The following KCNMB2 variants were observed in gnomAD, a reference collection of about 807,000 sequenced individuals.
KCNMB2 encodes the protein calcium-activated potassium channel subunit beta-2.
A neutral mutation model predicts 24.5 loss-of-function variants in KCNMB2; 9 were observed. The ratio of observed to expected loss-of-function variants is 0.37; its 90% confidence interval spans 0.22 to 0.64. KCNMB2 has a LOEUF of 0.64. Ranked by LOEUF, KCNMB2 falls within the 30% of genes least tolerant of loss-of-function variation. The pLI, the probability that KCNMB2 is intolerant of heterozygous loss-of-function variation, is 0.63. For missense variants in KCNMB2, 226 were observed against 284.3 expected (o/e 0.79, Z 1.47); for synonymous variants, 109 against 104.4 (o/e 1.04, Z -0.27).
rs773014208 is a variant in KCNMB2 at position 178,825,713 on chromosome 3, T to C, written c.182T>C (p.Met61Thr). ...GLAMMVCSIM[M>T]YFLLGITLLR... ...GCTATGATGGTGTGCTCCATCATGA[T>C]GTATTTTCTGCTGGGAATCACACTC... The change falls in exon 3 of 5, where the codon ATG becomes ACG. Residue 61 changes from methionine (M) to threonine (T), a missense_variant. By Grantham distance (81) the Met-to-Thr change is moderately conservative (BLOSUM62 -1). Coordinates refer to ENST00000452583, the MANE Select transcript of KCNMB2 (RefSeq NM_181361.3). 1.2e-6 allele frequency: 2 copies of C among 1,613,880 alleles called. No homozygotes were observed. The highest frequency in any genetic ancestry group is 1.7e-6 in the Non-Finnish European group (2 of 1,179,896).
chr3:178,787,331 A>G (rs1244135752), intron 1 of KCNMB2, among the ~76,000 whole-genome samples: 1 of 152,186 alleles, frequency 6.6e-6, no homozygotes, highest in Non-Finnish European at 1.5e-5. Flanking sequence ...ATTAACATAT[A>G]TATGTATTAA....
chr3:178,721,972 T>G (rs1722821400), intron 1 of KCNMB2, among the ~76,000 whole-genome samples: 1 of 152,218 alleles, frequency 6.6e-6, no homozygotes, highest in Non-Finnish European at 1.5e-5. Context: ...CTTTGTCAGA[T>G]ATGTAATTTC....
intron 1 of KCNMB2, among the ~76,000 whole-genome samples, chr3:178,565,449 G>C (rs1716483709): frequency 6.6e-6 from 1 of 152,152 alleles, no homozygotes. Context: ...TTATGTGAGA[G>C]AATAGGAAAA....
intron 1 of KCNMB2, among the ~76,000 whole-genome samples, chr3:178,757,704 A>G (rs1408140635): frequency 1.4e-5 from 1 of 70,518 alleles, no homozygotes; most frequent in Non-Finnish European, 2.8e-5. Flanking sequence ...ATATATATCC[A>G]AGAGGATATA....
At chr3:178,836,130 C>T (rs895389684) in intron 4 of KCNMB2, among the ~76,000 whole-genome samples, 2 of 152,002 alleles carry the variant, frequency 1.3e-5, no homozygotes, top group Non-Finnish European at 2.9e-5. Flanking sequence ...GTTATTCAGC[C>T]AAAAACACTT....
chr3:178,826,642 A>G (rs1261784818), intron 3 of KCNMB2, among the ~76,000 whole-genome samples: 1 of 152,242 alleles, frequency 6.6e-6, no homozygotes, highest in Non-Finnish European at 1.5e-5. Context: ...AGTTCAGCTT[A>G]AAGAAACAAG....
chr3:178,824,975 A>G (rs1714778985), intron 2 of KCNMB2, among the ~76,000 whole-genome samples: 1 of 152,168 alleles, frequency 6.6e-6, no homozygotes, highest in South Asian at 2.1e-4. Context: ...TTCTAACTCA[A>G]TCGAAAGTTT....
chr3:178,654,189 C>T (rs1334606912), intron 1 of KCNMB2, among the ~76,000 whole-genome samples: 1 of 151,820 alleles, frequency 6.6e-6, no homozygotes, highest in African/African-American at 2.4e-5. Context: ...TGACTATTTC[C>T]CTTATTTCAT....
intron 1 of KCNMB2, among the ~76,000 whole-genome samples, chr3:178,550,457 CAAAAAAAAAA>C (rs71671909): frequency 4.3e-5 from 2 of 46,022 alleles, no homozygotes; most frequent in Non-Finnish European, 8.1e-5. Flanking sequence ...GACTCCGTCT[CAAAAAAAAAA>C]AAAAAAAAAA....
At chr3:178,697,567 C>T (rs1721926220) in intron 1 of KCNMB2, among the ~76,000 whole-genome samples, 1 of 152,110 alleles carries the variant, frequency 6.6e-6, no homozygotes, top group African/African-American at 2.4e-5. Flanking sequence ...CAGCTTACCT[C>T]TCTATGCCTT....
At chr3:178,703,381 G>T (rs1415827254) in intron 1 of KCNMB2, among the ~76,000 whole-genome samples, 1 of 152,020 alleles carries the variant, frequency 6.6e-6, no homozygotes, top group Non-Finnish European at 1.5e-5. Flanking sequence ...AACAGAAGTG[G>T]CTAGATAAAG....
chr3:178,756,974 A>G (rs1358647933), intron 1 of KCNMB2: 1 of 151,960 alleles, frequency 6.6e-6, no homozygotes, highest in East Asian at 1.9e-4. Flanking sequence ...GAAAAAGTAC[A>G]AAAATGGGAA....
In KCNMB2 at chr3:178,718,226, G is replaced by A. The variant is rs183734102; in HGVS notation, c.-67-89117G>A. 2.7e-3 allele frequency among the ~76,000 whole-genome samples: 408 copies of A among 152,302 alleles called. 1 individual carries two copies. The highest frequency in any genetic ancestry group is 3.5e-3 in the Non-Finnish European group (241 of 68,022). On this transcript the variant is annotated intron_variant, in intron 1 of 4. Coordinates refer to ENST00000452583, the MANE Select transcript of KCNMB2 (RefSeq NM_181361.3). Reference sequence around the variant, plus strand: ...AATTACAGGTATTTGGGATACAAGCGTCTTGCAGCTTTGTGCCTGAGAAGA... The same window carrying A: ...AATTACAGGTATTTGGGATACAAGCATCTTGCAGCTTTGTGCCTGAGAAGA...
intron 1 of KCNMB2, among the ~76,000 whole-genome samples, chr3:178,541,350 C>G (rs1715612346): frequency 6.6e-6 from 1 of 152,120 alleles, no homozygotes; most frequent in South Asian, 2.1e-4. Context: ...CTTTGCTCTC[C>G]CCTGGCAATG....
chr3:178,621,827 T>G (rs1718934615), intron 1 of KCNMB2, among the ~76,000 whole-genome samples: 1 of 152,188 alleles, frequency 6.6e-6, no homozygotes, highest in Middle Eastern at 3.2e-3. Flanking sequence ...GTTAGTTAAC[T>G]ATGGAATTTG....
chr3:178,746,061 G>A (rs1723655414), intron 1 of KCNMB2, among the ~76,000 whole-genome samples: 1 of 152,196 alleles, frequency 6.6e-6, no homozygotes, highest in Non-Finnish European at 1.5e-5. Flanking sequence ...ACTAGGTGGT[G>A]CCCCGGTAGG....
chr3:178,825,486 G>A (rs933437808), intron 2 of KCNMB2, 102 bp from the exon 3 acceptor site: 2 of 915,772 alleles, frequency 2.2e-6, no homozygotes, highest in African/African-American at 1.7e-5. Context: ...ACTGAAGCAG[G>A]TTTGGAGGGC....
Position 178,776,256 on chromosome 3 carries a change from AAG to A in KCNMB2, c.-67-31082_-67-31081del, listed in dbSNP as rs564746772. On this transcript the variant is annotated intron_variant, in intron 1 of 4. Transcript: ENST00000452583. ...AATGCCACCATCCACACAGTCCCCA[AAG>A]AGAGTTTAAAAATCATTTTTAATTC... Among the ~76,000 whole-genome samples the A allele has an allele frequency of 1.6e-3, 243 of 152,132 alleles. 2 individuals are homozygous for A. The highest frequency in any genetic ancestry group is 1.8e-3 in the Non-Finnish European group (123 of 67,998).
At chr3:178,605,126 T>A (rs904294382) in intron 1 of KCNMB2, among the ~76,000 whole-genome samples, 5 of 152,142 alleles carry the variant, frequency 3.3e-5, no homozygotes, top group African/African-American at 1.2e-4. Context: ...TTTTGAAATA[T>A]TATGGTATTA....
Sources: allele counts gnomAD v4.1 joint callset (sites outside exome capture counted in the v4.1 genomes callset), GRCh38; gene constraint gnomAD v4.1.1; transcripts MANE v1.5; gene names NCBI Gene and HGNC (gene_info 2026-07-23, HGNC 2026-07-21).